Variants in ERBB4 observed in about 807,000 individuals in gnomAD.
The protein encoded by ERBB4 is receptor tyrosine-protein kinase erbB-4.
Under a neutral mutation model 158.0 loss-of-function variants are expected in ERBB4, and 42 were observed. That is an observed-to-expected ratio of 0.27 (90% confidence interval 0.21 to 0.34). The LOEUF is 0.34. Ranked by LOEUF, ERBB4 falls within the 10% of genes least tolerant of loss-of-function variation. ERBB4 has a pLI of 1.00. For synonymous variants in ERBB4, 583 were observed against 558.7 expected, an observed-to-expected ratio of 1.04 and a Z score of -0.61; for missense variants, 1,333 against 1,624.1, an observed-to-expected ratio of 0.82 and a Z score of 3.08.
At chr2:211,508,377 G>C (rs2065802497) in intron 20 of ERBB4, among the ~76,000 whole-genome samples, 2 of 152,160 alleles carry the variant, frequency 1.3e-5, no homozygotes, top group Admixed American at 1.3e-4. Flanking sequence ...ATGAAAAAAA[G>C]ATCATCATCA....
chr2:211,591,974 C>G lies in ERBB4; in HGVS notation c.2301+27203G>C, dbSNP rs768600510. ...CACTCTTTGAGACGAATTAAGAGTC[C>G]AAGAGACAGCTAACGCTCAAAATTC... On this transcript the variant is annotated intron_variant, in intron 19 of 27. Coordinates refer to ENST00000342788, the MANE Select transcript of ERBB4 (RefSeq NM_005235.3). 6.0e-4 allele frequency among the ~76,000 whole-genome samples: 92 copies of G among 152,200 alleles called. 2 individuals are homozygous for G. The highest frequency in any genetic ancestry group is 1.3e-4 in the Non-Finnish European group (9 of 68,046).
At chr2:212,207,588 T>G (rs12997387) in intron 1 of ERBB4, among the ~76,000 whole-genome samples, 2,841 of 152,292 alleles carry the variant, frequency 0.019, 37 homozygotes, top group Non-Finnish European at 0.031. Flanking sequence ...AGAACAAGTA[T>G]AAGCAGTGAA....
intron 3 of ERBB4, among the ~76,000 whole-genome samples, chr2:211,793,321 C>T (rs1373592813): frequency 6.6e-6 from 1 of 151,798 alleles, no homozygotes; most frequent in East Asian, 1.9e-4. Flanking sequence ...ACCTCTATCC[C>T]TGATTGTATA....
intron 1 of ERBB4, among the ~76,000 whole-genome samples, chr2:212,226,325 T>A (rs1485832574): frequency 2.6e-5 from 4 of 151,958 alleles, no homozygotes; most frequent in Non-Finnish European, 5.9e-5. Flanking sequence ...GATATCTCAG[T>A]TTCAGTTTTG....
chr2:211,677,433 G>A (rs898088530), intron 13 of ERBB4, among the ~76,000 whole-genome samples: 34 of 151,848 alleles, frequency 2.2e-4, no homozygotes, highest in Non-Finnish European at 3.4e-4. Flanking sequence ...GCATGGTGGC[G>A]GGCACCTGTA....
chr2:211,748,703 G>A (rs775185697), intron 5 of ERBB4, among the ~76,000 whole-genome samples: 1 of 152,156 alleles, frequency 6.6e-6, no homozygotes, highest in African/African-American at 2.4e-5. Flanking sequence ...AAATAAATAA[G>A]TGAATAAATA....
chr2:212,377,198 A>AAT (rs142598921), intron 1 of ERBB4, among the ~76,000 whole-genome samples: 12,298 of 146,750 alleles, frequency 0.084, 599 homozygotes, highest in Non-Finnish European at 0.11. Context: ...GTTCCTGGCA[A>AAT]ATATATATAT....
At chr2:211,859,866 A>G (rs2106067267) in intron 3 of ERBB4, among the ~76,000 whole-genome samples, 1 of 152,350 alleles carries the variant, frequency 6.6e-6, no homozygotes, top group South Asian at 2.1e-4. Flanking sequence ...CAGCAATGAA[A>G]AAGAAATGTA....
rs201537326 is a variant in ERBB4, at chr2:211,987,700, CA to C, written c.235-40085del. 2.0e-5 allele frequency among the ~76,000 whole-genome samples: 3 copies of C among 151,368 alleles called. No homozygotes were observed. In the South Asian group the frequency reaches 6.3e-4, roughly 32 times the overall value. ...CTAAAGAAAGTGAGACTGGAACAGGCAAAAAAAATGCAATTGTTTCTCATTT... is the reference window on the plus strand; with the variant it reads ...CTAAAGAAAGTGAGACTGGAACAGGCAAAAAAATGCAATTGTTTCTCATTT... On this transcript the variant is annotated intron_variant, in intron 2 of 27. Transcript: ENST00000342788.
intron 1 of ERBB4, among the ~76,000 whole-genome samples, chr2:212,249,198 G>A (rs2084428210): frequency 6.6e-6 from 1 of 151,844 alleles, no homozygotes; most frequent in Non-Finnish European, 1.5e-5. Flanking sequence ...TCAAAATATT[G>A]GTGGGCTTTG....
intron 3 of ERBB4, among the ~76,000 whole-genome samples, chr2:211,858,194 A>G (rs2077920530): frequency 1.3e-5 from 2 of 152,182 alleles, no homozygotes; most frequent in African/African-American, 4.8e-5. Context: ...CAGAGTGCAC[A>G]GTGATACTGA....
At chr2:211,702,251 G>T (rs1003369786) in intron 11 of ERBB4, 85 bp from the exon 12 acceptor site, 1 of 990,934 alleles carries the variant, frequency 1.0e-6, no homozygotes, top group African/African-American at 1.6e-5. Context: ...TAAAAAGAAT[G>T]TTAATGGTGT....
intron 1 of ERBB4, among the ~76,000 whole-genome samples, chr2:212,244,874 C>T (rs1172113017): frequency 2.0e-5 from 3 of 152,130 alleles, no homozygotes; most frequent in Admixed American, 1.3e-4. Context: ...GCACTTACCA[C>T]GTGCCAGACA....
chr2:211,475,579 A>G (rs1470318323), intron 20 of ERBB4, among the ~76,000 whole-genome samples: 6 of 152,132 alleles, frequency 3.9e-5, no homozygotes, highest in Admixed American at 3.9e-4. Flanking sequence ...CTACAAAAAC[A>G]TCATATACCA....
At chr2:212,481,757 C>T (rs1247142620) in intron 1 of ERBB4, among the ~76,000 whole-genome samples, 1 of 152,084 alleles carries the variant, frequency 6.6e-6, no homozygotes, top group Non-Finnish European at 1.5e-5. Flanking sequence ...CAATGTTTCT[C>T]AAAGATGAAG....
intron 20 of ERBB4, among the ~76,000 whole-genome samples, chr2:211,459,054 C>T (rs1314297166): frequency 6.6e-6 from 1 of 152,048 alleles, no homozygotes; most frequent in Non-Finnish European, 1.5e-5. Flanking sequence ...CTCATAAAAG[C>T]AAAAACTATA....
intron 4 of ERBB4, among the ~76,000 whole-genome samples, chr2:211,765,654 T>C (rs2075534395): frequency 6.6e-6 from 1 of 152,200 alleles, no homozygotes. Context: ...TAGACATTTG[T>C]TTATTCCACT....
At chr2:211,403,913 T>A (rs183376427) in intron 25 of ERBB4, among the ~76,000 whole-genome samples, 26 of 152,250 alleles carry the variant, frequency 1.7e-4, no homozygotes, top group Admixed American at 1.6e-3. Flanking sequence ...AGTCCCAGTT[T>A]CCTTTGCCTA....
intron 1 of ERBB4, among the ~76,000 whole-genome samples, chr2:212,418,629 G>T (rs1280675204): frequency 6.6e-6 from 1 of 151,224 alleles, no homozygotes; most frequent in Non-Finnish European, 1.5e-5. Context: ...AAAAAATTAA[G>T]GAAAGAAATT....
Sources: allele counts gnomAD v4.1 joint callset (sites outside exome capture counted in the v4.1 genomes callset), GRCh38; gene constraint gnomAD v4.1.1; transcripts MANE v1.5; gene names NCBI Gene and HGNC (gene_info 2026-07-23, HGNC 2026-07-21).